Variants in DLGAP2 observed in about 807,000 individuals in gnomAD.
DLGAP2 encodes disks large-associated protein 2.
Under a neutral mutation model 100.3 loss-of-function variants are expected in DLGAP2, and 26 were observed. The observed-to-expected ratio is 0.26, with a 90% CI of 0.19 to 0.36. The LOEUF is 0.36. DLGAP2 is among the 10% of genes least tolerant of loss of function. The probability of loss-of-function intolerance (pLI) is 1.00; values close to 1 mark genes in which losing one functional copy is unlikely to be tolerated. For synonymous variants in DLGAP2, 886 were observed against 630.1 expected (o/e 1.41, Z -6.08); for missense variants, 1,858 against 1,453.2 (o/e 1.28, Z -4.53).
chr8:848,948 CGCGGTGCCTGTTCCAGCATAGGATCGT>C (rs1797126013), intron 1 of DLGAP2, among the ~76,000 whole-genome samples: 5 of 110,944 alleles, frequency 4.5e-5, no homozygotes, highest in Non-Finnish European at 9.8e-5. Flanking sequence ...CATAGGAACG[CGCGGTGCCTGTTCCAGCATAGGATCGT>C]GAGGTGCCTG....
At chr8:1,530,711 A>G (rs1800961367) in intron 4 of DLGAP2, among the ~76,000 whole-genome samples, 1 of 152,178 alleles carries the variant, frequency 6.6e-6, no homozygotes. Flanking sequence ...ATGTCCATGA[A>G]ATCTTCACAA....
intron 3 of DLGAP2, among the ~76,000 whole-genome samples, chr8:1,339,052 G>A (rs537889399): frequency 6.6e-6 from 1 of 152,078 alleles, no homozygotes; most frequent in East Asian, 1.9e-4. Flanking sequence ...GGAATGCAGT[G>A]ACCTCAGTGA....
At chr8:1,494,986 T>G (rs977968867) in intron 3 of DLGAP2, among the ~76,000 whole-genome samples, 1 of 152,340 alleles carries the variant, frequency 6.6e-6, no homozygotes, top group Non-Finnish European at 1.5e-5. Context: ...TCCCGAGATA[T>G]GCCTGTTGGC....
chr8:1,032,200 C>T (rs979605364), intron 2 of DLGAP2, among the ~76,000 whole-genome samples: 1 of 152,230 alleles, frequency 6.6e-6, no homozygotes, highest in Non-Finnish European at 1.5e-5. Flanking sequence ...GTTCGCCTTC[C>T]AGAGCTCATA....
intron 4 of DLGAP2, among the ~76,000 whole-genome samples, chr8:1,540,544 A>T (rs908912019): frequency 3.9e-5 from 6 of 152,180 alleles, no homozygotes; most frequent in Non-Finnish European, 8.8e-5. Context: ...AGAAAAAAAA[A>T]CACCCACCTA....
At chr8:1,599,395 T>G (rs1467413426) in intron 6 of DLGAP2, among the ~76,000 whole-genome samples, 2 of 152,174 alleles carry the variant, frequency 1.3e-5, no homozygotes, top group Non-Finnish European at 2.9e-5. Flanking sequence ...GGTCCAGAGC[T>G]GAATTGAAGT....
At chr8:868,821 G>A (rs541093265) in intron 1 of DLGAP2, among the ~76,000 whole-genome samples, 3 of 152,194 alleles carry the variant, frequency 2.0e-5, no homozygotes, top group East Asian at 1.9e-4. Flanking sequence ...TAGAGAGCGC[G>A]GTCACTGCAG....
chr8:1,008,093 C>A (rs921363495), intron 2 of DLGAP2, among the ~76,000 whole-genome samples: 3 of 152,202 alleles, frequency 2.0e-5, no homozygotes, highest in African/African-American at 7.2e-5. Context: ...TTTTCTTTTT[C>A]ATCCAAATTG....
chr8:1,384,077 C>G (rs1796157391), intron 3 of DLGAP2, among the ~76,000 whole-genome samples: 1 of 152,004 alleles, frequency 6.6e-6, no homozygotes, highest in South Asian at 2.1e-4. Flanking sequence ...AAACAGTATA[C>G]ACTTATTTAG....
At chr8:1,330,104 T>C (rs1421117490) in intron 3 of DLGAP2, among the ~76,000 whole-genome samples, 1 of 152,218 alleles carries the variant, frequency 6.6e-6, no homozygotes, top group Non-Finnish European at 1.5e-5. Flanking sequence ...GGTTTCTTTG[T>C]ATCTTGCCCC....
At chr8:962,220 C>T (rs1239020952) in intron 2 of DLGAP2, among the ~76,000 whole-genome samples, 1 of 152,066 alleles carries the variant, frequency 6.6e-6, no homozygotes, top group Non-Finnish European at 1.5e-5. Flanking sequence ...AACAAGATAC[C>T]AGTGAAAGGG....
At chr8:814,478 C>T (rs1204622451) in intron 1 of DLGAP2, among the ~76,000 whole-genome samples, 1 of 152,148 alleles carries the variant, frequency 6.6e-6, no homozygotes, top group Non-Finnish European at 1.5e-5. Flanking sequence ...GGATGTATTA[C>T]TAGTAAGGGC....
At chr8:1,415,842 T>C (rs559025703) in intron 3 of DLGAP2, among the ~76,000 whole-genome samples, 2 of 152,358 alleles carry the variant, frequency 1.3e-5, no homozygotes, top group Non-Finnish European at 2.9e-5. Context: ...TACCCAGTCA[T>C]GGGATTGCTG....
intron 2 of DLGAP2, among the ~76,000 whole-genome samples, chr8:1,116,938 C>T (rs1232567321): frequency 2.0e-5 from 3 of 152,236 alleles, no homozygotes; most frequent in Non-Finnish European, 4.4e-5. Flanking sequence ...CCGCAGCCAA[C>T]AGCTACTGGC....
intron 1 of DLGAP2, among the ~76,000 whole-genome samples, chr8:888,005 G>C (rs777481554): frequency 2.6e-5 from 4 of 152,056 alleles, no homozygotes; most frequent in Non-Finnish European, 4.4e-5. Flanking sequence ...GTCTCCTTCT[G>C]GTACTCCAAT....
chr8:918,790 C>G (rs925838334), intron 2 of DLGAP2, among the ~76,000 whole-genome samples: 2 of 152,186 alleles, frequency 1.3e-5, no homozygotes, highest in Non-Finnish European at 2.9e-5. Flanking sequence ...GTAAGACAAA[C>G]TAGCTTGAAT....
chr8:1,597,005 G>A (rs1180373341), intron 6 of DLGAP2, among the ~76,000 whole-genome samples: 2 of 152,074 alleles, frequency 1.3e-5, no homozygotes, highest in African/African-American at 2.4e-5. Flanking sequence ...TAGGTCTTAT[G>A]TTTAAGTCTT....
intron 12 of DLGAP2, among the ~76,000 whole-genome samples, chr8:1,686,095 C>A (rs1347399512): frequency 6.6e-6 from 1 of 152,148 alleles, no homozygotes; most frequent in Admixed American, 6.5e-5. Flanking sequence ...AAAGGAAATT[C>A]ATATGTCAAA....
chr8:1,356,542 C>T (rs1224100542), intron 3 of DLGAP2, among the ~76,000 whole-genome samples: 1 of 152,104 alleles, frequency 6.6e-6, no homozygotes, highest in Non-Finnish European at 1.5e-5. Flanking sequence ...GCGCTCCTCC[C>T]TCGGGGTCCA....
Sources: allele counts gnomAD v4.1 joint callset (sites outside exome capture counted in the v4.1 genomes callset), GRCh38; gene constraint gnomAD v4.1.1; transcripts MANE v1.5; gene names NCBI Gene and HGNC (gene_info 2026-07-23, HGNC 2026-07-21).